The following TIPIN variants were observed in gnomAD, a reference collection of about 807,000 sequenced individuals.
TIPIN encodes the protein TIMELESS interacting protein.
TIPIN carries 29 observed loss-of-function variants against 35.6 expected under a neutral mutation model. That is an observed-to-expected ratio of 0.82 (90% CI 0.61 to 1.11). TIPIN has a LOEUF of 1.11. TIPIN is among the 50% of genes most tolerant of loss of function. The pLI is 0.00. For synonymous variants in TIPIN, 102 were observed against 121.5 expected (o/e 0.84, Z 1.06); for missense variants, 296 against 345.4 (o/e 0.86, Z 1.13).
chr15:66,355,110 T>C (rs1171745753), intron 1 of TIPIN, among the ~76,000 whole-genome samples: 1 of 146,762 alleles, frequency 6.8e-6, no homozygotes. Context: ...CTCTGCTCAC[T>C]GCAAGCTCCG....
At chr15:66,361,468 G>C (rs1413618520), upstream of TIPIN, among the ~76,000 whole-genome samples, 1 of 150,346 alleles carries the variant, frequency 6.7e-6, no homozygotes, top group Non-Finnish European at 1.5e-5. Context: ...TGTTAGCCAG[G>C]ATGGTCTCAA....
upstream of TIPIN, among the ~76,000 whole-genome samples, chr15:66,357,246 C>A (rs1327826069): frequency 1.3e-5 from 2 of 152,084 alleles, no homozygotes; most frequent in African/African-American, 4.8e-5. Context: ...GGAAATAGGT[C>A]TCGGTTTTTG....
chr15:66,373,648 T>C (rs2093285597), intron 1 of TIPIN, among the ~76,000 whole-genome samples: 1 of 152,132 alleles, frequency 6.6e-6, no homozygotes, highest in South Asian at 2.1e-4. Flanking sequence ...GTCATAATAG[T>C]TCCACATCAT....
upstream of TIPIN, among the ~76,000 whole-genome samples, chr15:66,361,621 G>A (rs1180541232): frequency 6.6e-6 from 1 of 151,188 alleles, no homozygotes; most frequent in Non-Finnish European, 1.5e-5. Flanking sequence ...TCATACATGA[G>A]GAATATAAGA....
chr15:66,346,831 G>A (rs112683141), intron 6 of TIPIN, among the ~76,000 whole-genome samples: 23 of 150,864 alleles, frequency 1.5e-4, no homozygotes, highest in African/African-American at 5.1e-4. Context: ...TCTTGCTGTC[G>A]CCCAGGCTGG....
chr15:66,379,668 C>T, intron 1 of TIPIN: 2 of 1,611,394 alleles, frequency 1.2e-6, no homozygotes, highest in South Asian at 1.1e-5. Context: ...CAGTGTAACA[C>T]CCTTGATCAT....
chr15:66,377,194 T>C (rs931398820), intron 1 of TIPIN, among the ~76,000 whole-genome samples: 2 of 151,522 alleles, frequency 1.3e-5, no homozygotes, highest in African/African-American at 4.8e-5. Context: ...TGTTCAATAA[T>C]ATTGATAAGT....
At chr15:66,342,747 T>C (rs957129000) in intron 6 of TIPIN, among the ~76,000 whole-genome samples, 1 of 152,250 alleles carries the variant, frequency 6.6e-6, no homozygotes, top group African/African-American at 2.4e-5. Flanking sequence ...TTTAAAACTT[T>C]ATGGACATAT....
At position 66,337,150 on chromosome 15, in the gene TIPIN, C is replaced by A. The variant is rs767404423; in HGVS notation, c.714G>T (p.Thr238=). The A allele has an allele frequency of 1.3e-5, 21 of 1,613,734 alleles. No homozygotes were observed. Among genetic ancestry groups the A allele is most frequent in the Non-Finnish European group, 1.5e-5 (18 of 1,179,996 alleles). ...DMLMNTPRAH[T]VEEVNTDEDQ... ...CCTCATCAGTATTAACCTCTTCAACCGTGTGTGCCCTGGGTGTATTCATTA... is the reference window on the plus strand; with the variant it reads ...CCTCATCAGTATTAACCTCTTCAACAGTGTGTGCCCTGGGTGTATTCATTA... Residue 238 remains threonine (T), a synonymous_variant, in exon 8 of 8, where the codon ACG becomes ACT. Coordinates refer to ENST00000261881, the MANE Select transcript of TIPIN (RefSeq NM_017858.3).
Position 66,336,399 on chromosome 15 carries a change from C to T in TIPIN, c.*559G>A, listed in dbSNP as rs2093045564. ...TGAAACCTCATCTCTACTAAAAGTA[C>T]AAAAATTAGCCAAGCGTGGTGGCAC... On this transcript the variant is annotated 3_prime_UTR_variant, in exon 8 of 8. Transcript: ENST00000261881. The T allele has an allele frequency of 6.5e-6, 1 of 152,886 alleles. No homozygotes were observed. The allele number at this position is 152,886 out of a possible 1,614,324, so 9.5% of individuals were successfully genotyped here.
At position 66,352,116 on chromosome 15, in the gene TIPIN, A is replaced by G. The variant is rs1345563384; in HGVS notation, c.212+13T>C. On this transcript the variant is annotated intron_variant, in intron 3 of 7. Coordinates refer to ENST00000261881, the MANE Select transcript of TIPIN (RefSeq NM_017858.3). ...ATAAAAAGTATAAATGTATAAGAAT[A>G]TAGTAAATGTACCTCTGAGCATCCA... is the stretch of plus-strand genomic sequence containing the variant. The G allele has an allele frequency of 1.9e-6, 3 of 1,565,508 alleles. No homozygotes were observed. In the Admixed American group the frequency reaches 5.5e-5, roughly 29 times the overall value.
upstream of TIPIN, among the ~76,000 whole-genome samples, chr15:66,359,449 G>A (rs1049539500): frequency 6.6e-6 from 1 of 152,030 alleles, no homozygotes; most frequent in Non-Finnish European, 1.5e-5. Context: ...GGGTTCAAGA[G>A]ATTCTCTGCC....
upstream of TIPIN, among the ~76,000 whole-genome samples, chr15:66,356,869 T>C (rs1460742153): frequency 6.6e-6 from 1 of 152,198 alleles, no homozygotes. Flanking sequence ...AGGAACTCAG[T>C]TAAGCCTCCT....
upstream of TIPIN, among the ~76,000 whole-genome samples, chr15:66,357,378 G>A (rs967045636): frequency 4.6e-5 from 7 of 152,046 alleles, no homozygotes; most frequent in Non-Finnish European, 1.0e-4. Flanking sequence ...ATTGTTTATT[G>A]AATAATAAGC....
intron 5 of TIPIN, 30 bp from the exon 6 acceptor site, chr15:66,349,153 A>T: frequency 1.9e-6 from 3 of 1,605,100 alleles, no homozygotes; most frequent in Non-Finnish European, 2.6e-6. Context: ...ATTTATTTTT[A>T]CCTCTTTACC....
At chr15:66,372,982 CA>C (rs368654389) in intron 1 of TIPIN, among the ~76,000 whole-genome samples, 4 of 152,004 alleles carry the variant, frequency 2.6e-5, no homozygotes, top group African/African-American at 9.7e-5. Flanking sequence ...CATTGTGCTG[CA>C]ACTGCCTACA....
chr15:66,355,049 T>C (rs1340281834), intron 1 of TIPIN, among the ~76,000 whole-genome samples: 1 of 143,018 alleles, frequency 7.0e-6, no homozygotes, highest in African/African-American at 2.6e-5. Flanking sequence ...TTTTTTTTTT[T>C]GAGAAGGAGT....
chr15:66,373,244 A>T (rs558458335), intron 1 of TIPIN, among the ~76,000 whole-genome samples: 107 of 152,346 alleles, frequency 7.0e-4, no homozygotes, highest in Non-Finnish European at 1.2e-3. Context: ...CTGTAATCCC[A>T]GCACTTTGGG....
intron 7 of TIPIN, among the ~76,000 whole-genome samples, chr15:66,340,170 C>CTTTTTTTTTT (rs1566970488): frequency 8.8e-6 from 1 of 113,886 alleles, no homozygotes; most frequent in African/African-American, 3.6e-5. Context: ...CTGCGCCTGG[C>CTTTTTTTTTT]CTTTTTTTTT....
Sources: gnomAD v4.1 joint callset for allele counts (sites outside exome capture counted in the v4.1 genomes callset) on GRCh38, gnomAD v4.1.1 for gene constraint, MANE v1.5 for transcripts, NCBI Gene and HGNC (gene_info 2026-07-23, HGNC 2026-07-21) for gene names.